GABRG3: variants seen among roughly 807,000 people sequenced by gnomAD.
GABRG3 encodes the protein gamma-aminobutyric acid receptor subunit gamma-3.
Under a neutral mutation model 48.8 loss-of-function variants are expected in GABRG3, and 25 were observed. The observed-to-expected ratio is 0.51, with a 90% CI of 0.37 to 0.72. The LOEUF (loss-of-function observed/expected upper bound fraction) is 0.72. GABRG3 is among the 30% of genes least tolerant of loss of function. The pLI is 0.00. For synonymous variants in GABRG3, 227 were observed against 217.6 expected (o/e 1.04, Z -0.38); for missense variants, 394 against 577.9 (o/e 0.68, Z 3.26).
At chr15:27,301,586 T>C (rs1892208021) in intron 3 of GABRG3, among the ~76,000 whole-genome samples, 1 of 152,152 alleles carries the variant, frequency 6.6e-6, no homozygotes, top group African/African-American at 2.4e-5. Flanking sequence ...ATCATTATGC[T>C]TTATAACTTA....
intron 5 of GABRG3, among the ~76,000 whole-genome samples, chr15:27,432,249 T>G (rs960878854): frequency 6.6e-6 from 1 of 152,240 alleles, no homozygotes; most frequent in Non-Finnish European, 1.5e-5. Context: ...TATGGCTAGC[T>G]GCTTTCCTTC....
chr15:27,231,404 C>T (rs916401071), intron 3 of GABRG3, among the ~76,000 whole-genome samples: 1 of 152,166 alleles, frequency 6.6e-6, no homozygotes, highest in African/African-American at 2.4e-5. Flanking sequence ...CAGAACAAAG[C>T]TTGAAGCTTT....
At chr15:27,071,503 T>C (rs148683078) in intron 3 of GABRG3, among the ~76,000 whole-genome samples, 240 of 152,324 alleles carry the variant, frequency 1.6e-3, no homozygotes, top group African/African-American at 5.3e-3. Flanking sequence ...CCTGTCCTGA[T>C]AGAGCTCTCC....
At chr15:27,395,452 A>G (rs764233546) in intron 5 of GABRG3, among the ~76,000 whole-genome samples, 23 of 152,240 alleles carry the variant, frequency 1.5e-4, no homozygotes, top group Non-Finnish European at 3.2e-4. Context: ...GAAAAAAAGA[A>G]CAAATCTTGA....
intron 3 of GABRG3, among the ~76,000 whole-genome samples, chr15:27,326,140 T>A (rs1893605942): frequency 6.6e-6 from 1 of 152,196 alleles, no homozygotes; most frequent in Admixed American, 6.5e-5. Flanking sequence ...CCGTGAACAC[T>A]GCAGTGGCTT....
intron 7 of GABRG3, 109 bp from the exon 8 acceptor site, chr15:27,527,323 CA>C: frequency 1.2e-6 from 1 of 851,620 alleles, no homozygotes. Flanking sequence ...TATGCAGCAT[CA>C]GGGATTCCTG....
In GABRG3 at chr15:27,434,399, C is replaced by G. The variant is rs1461263622; in HGVS notation, c.575-46251C>G. ...TTTAACTTACACAAAGAGGTCTGTACTATACCATTGATCACCTGGGTTCCA... is the reference window on the plus strand; with the variant it reads ...TTTAACTTACACAAAGAGGTCTGTAGTATACCATTGATCACCTGGGTTCCA... On this transcript the variant is annotated intron_variant, in intron 5 of 9. Transcript: ENST00000615808. Among the ~76,000 whole-genome samples the G allele has an allele frequency of 2.0e-5, 3 of 152,156 alleles. No individual in the cohort carries two copies. The East Asian group carries it at 5.8e-4, about 29-fold the overall frequency.
At chr15:27,237,840 G>A (rs570801128) in intron 3 of GABRG3, among the ~76,000 whole-genome samples, 1 of 152,276 alleles carries the variant, frequency 6.6e-6, no homozygotes, top group East Asian at 1.9e-4. Context: ...TGACTTTACA[G>A]CCAGGCAGGA....
rs148717454 is a variant in GABRG3, at chr15:27,250,754, C to T, written c.271-76055C>T. On this transcript the variant is annotated intron_variant, in intron 3 of 9. Coordinates refer to ENST00000615808, the MANE Select transcript of GABRG3 (RefSeq NM_033223.5). ...AGGAAGCACTACTTTAGACAGTGCC[C>T]GTGACAAGAGTTAAATATCTCACAC... 4.0e-3 allele frequency among the ~76,000 whole-genome samples: 610 copies of T among 152,256 alleles called. 1 individual carries two copies. The highest frequency in any genetic ancestry group is 8.9e-3 in the South Asian group (43 of 4,816).
intron 3 of GABRG3, among the ~76,000 whole-genome samples, chr15:27,175,122 C>T (rs912750459): frequency 1.3e-5 from 2 of 152,162 alleles, no homozygotes; most frequent in Non-Finnish European, 2.9e-5. Context: ...CTGGCATGTG[C>T]TTCCTGTGCA....
intron 2 of GABRG3, among the ~76,000 whole-genome samples, chr15:27,020,434 CG>C (rs1895867313): frequency 6.6e-6 from 1 of 152,184 alleles, no homozygotes; most frequent in South Asian, 2.1e-4. Context: ...GTTTTTGAGA[CG>C]GAGTCTCGCT....
chr15:27,157,716 A>C (rs1459837684), intron 3 of GABRG3: 1 of 152,238 alleles, frequency 6.6e-6, no homozygotes, highest in Non-Finnish European at 1.5e-5. Context: ...TTACGCAGAC[A>C]TATTGCAATA....
intron 7 of GABRG3, among the ~76,000 whole-genome samples, chr15:27,523,407 C>A (rs1891202716): frequency 6.6e-6 from 1 of 151,192 alleles, no homozygotes; most frequent in Non-Finnish European, 1.5e-5. Flanking sequence ...TATTTTTGTT[C>A]TAAATATGTT....
intron 5 of GABRG3, among the ~76,000 whole-genome samples, chr15:27,346,018 C>T (rs1449966310): frequency 3.5e-5 from 5 of 141,976 alleles, no homozygotes; most frequent in African/African-American, 1.3e-4. Context: ...TGCACTGCTG[C>T]ACTTCAGCCT....
At chr15:27,434,135 A>G (rs1290292279) in intron 5 of GABRG3, among the ~76,000 whole-genome samples, 1 of 152,232 alleles carries the variant, frequency 6.6e-6, no homozygotes, top group Admixed American at 6.5e-5. Flanking sequence ...TTTAATAAAC[A>G]TGGAAATTGC....
chr15:27,031,640 A>C (rs188211840), intron 3 of GABRG3, among the ~76,000 whole-genome samples: 4 of 152,180 alleles, frequency 2.6e-5, no homozygotes, highest in Non-Finnish European at 5.9e-5. Flanking sequence ...AACTGAAAAG[A>C]TGACATGCAG....
chr15:27,163,320 C>T (rs1001788391), intron 3 of GABRG3, among the ~76,000 whole-genome samples: 1 of 152,110 alleles, frequency 6.6e-6, no homozygotes, highest in African/African-American at 2.4e-5. Context: ...GCAACTTAGC[C>T]TCAGCCTCCC....
intron 3 of GABRG3, among the ~76,000 whole-genome samples, chr15:27,083,891 G>A (rs984007876): frequency 3.3e-5 from 5 of 152,098 alleles, no homozygotes; most frequent in African/African-American, 4.8e-5. Context: ...ATAAGCCTCC[G>A]TGTTGACATG....
chr15:27,289,431 G>T (rs1211693309), intron 3 of GABRG3, among the ~76,000 whole-genome samples: 1 of 151,974 alleles, frequency 6.6e-6, no homozygotes, highest in Non-Finnish European at 1.5e-5. Flanking sequence ...CTGTTAAGTT[G>T]CCCTATAATG....
Sources: allele counts gnomAD v4.1 joint callset (sites outside exome capture counted in the v4.1 genomes callset), GRCh38; gene constraint gnomAD v4.1.1; transcripts MANE v1.5; gene names NCBI Gene and HGNC (gene_info 2026-07-23, HGNC 2026-07-21).